Variants in ARHGAP26 observed in about 807,000 individuals in gnomAD.
The protein encoded by ARHGAP26 is Rho GTPase activating protein 26, also known as rho GTPase-activating protein 26.
In ARHGAP26, 38 loss-of-function variants were observed where a neutral mutation model predicts 104.8. The ratio of observed to expected loss-of-function variants is 0.36; its 90% CI spans 0.28 to 0.48. ARHGAP26 has a LOEUF of 0.48. ARHGAP26 is among the 20% of genes least tolerant of loss of function. ARHGAP26 has a pLI of 0.99. For synonymous variants in ARHGAP26, 341 were observed against 340.0 expected (o/e 1.00, Z -0.03); for missense variants, 704 against 947.9 (o/e 0.74, Z 3.38).
intron 1 of ARHGAP26, among the ~76,000 whole-genome samples, chr5:142,854,920 G>T (rs768495453): frequency 1.1e-3 from 160 of 152,178 alleles, no homozygotes; most frequent in Middle Eastern, 3.4e-3. Context: ...TTAACTGGAT[G>T]TGCTGTTCAA....
chr5:142,815,282 C>G (rs1223651650), intron 1 of ARHGAP26, among the ~76,000 whole-genome samples: 1 of 152,224 alleles, frequency 6.6e-6, no homozygotes, highest in Non-Finnish European at 1.5e-5. Flanking sequence ...CTTAGGTGAT[C>G]TGCATGCCTC....
intron 10 of ARHGAP26, among the ~76,000 whole-genome samples, chr5:142,928,834 G>T (rs1414384034): frequency 2.0e-5 from 3 of 152,140 alleles, no homozygotes; most frequent in Non-Finnish European, 2.9e-5. Flanking sequence ...ATTGTAGAGG[G>T]TCTAATAGGC....
intron 1 of ARHGAP26, among the ~76,000 whole-genome samples, chr5:142,810,984 C>T (rs1260364850): frequency 1.3e-5 from 2 of 152,116 alleles, no homozygotes; most frequent in Admixed American, 6.5e-5. Context: ...ATAAATCTAC[C>T]CGCTTCCAGT....
In ARHGAP26 at chr5:143,146,474, G is replaced by A. The variant is rs531594834; in HGVS notation, c.1838-757G>A. 2.0e-5 allele frequency among the ~76,000 whole-genome samples: 3 copies of A among 152,300 alleles called. No homozygotes were observed. The East Asian group carries it at 5.8e-4, about 29-fold the overall frequency. On this transcript the variant is annotated intron_variant, in intron 19 of 22. Coordinates refer to ENST00000645722, the MANE Select transcript of ARHGAP26 (RefSeq NM_001135608.3). ...AGTAGAAATTGCCTGAGGCCACATAGCCAGTCAGGGCTTGAAGAGAACTCA... is the reference window on the plus strand; with the variant it reads ...AGTAGAAATTGCCTGAGGCCACATAACCAGTCAGGGCTTGAAGAGAACTCA...
At position 142,792,930 on chromosome 5, in the gene ARHGAP26, G is replaced by A. The variant is rs962467711; in HGVS notation, c.154+22015G>A. Among the ~76,000 whole-genome samples, 57 of 152,038 alleles carry A rather than the reference G, an allele frequency of 3.7e-4. 1 individual carries two copies. The highest frequency in any genetic ancestry group is 1.3e-3 in the African/African-American group (53 of 41,382). ...TTTGAAAGCCTATTTCATCTATTTT[G>A]AGCAACACTGATAACTGATGTTCAT... On this transcript the variant is annotated intron_variant, in intron 1 of 22. Coordinates refer to ENST00000645722, the MANE Select transcript of ARHGAP26 (RefSeq NM_001135608.3).
At chr5:143,197,350 C>T (rs566992403) in intron 20 of ARHGAP26, among the ~76,000 whole-genome samples, 1 of 152,164 alleles carries the variant, frequency 6.6e-6, no homozygotes, top group Admixed American at 6.5e-5. Context: ...ATATGAGTTA[C>T]AGATGAGAAT....
At chr5:143,208,546 T>C (rs1430108328) in intron 21 of ARHGAP26, among the ~76,000 whole-genome samples, 1 of 152,200 alleles carries the variant, frequency 6.6e-6, no homozygotes, top group Admixed American at 6.5e-5. Flanking sequence ...CGTGTGAGAA[T>C]GAGAAGAGAA....
intron 1 of ARHGAP26, among the ~76,000 whole-genome samples, chr5:142,852,251 G>GGTGGGAGTCATTCAGCCTTTGC (rs1418332239): frequency 1.3e-5 from 2 of 152,382 alleles, no homozygotes; most frequent in Non-Finnish European, 2.9e-5. Context: ...ACAGATCTCA[G>GGTGGGAGTCATTCAGCCTTTGC]GTGGGAGTCA....
chr5:142,970,135 G>T (rs1160879646), intron 11 of ARHGAP26, among the ~76,000 whole-genome samples: 1 of 152,212 alleles, frequency 6.6e-6, no homozygotes, highest in Admixed American at 6.5e-5. Context: ...ATGAGAGTTG[G>T]TTGTAGGAAA....
At chr5:143,102,536 T>C (rs1459300253) in intron 17 of ARHGAP26, among the ~76,000 whole-genome samples, 3 of 152,262 alleles carry the variant, frequency 2.0e-5, no homozygotes, top group Non-Finnish European at 2.9e-5. Flanking sequence ...TAATCACTGC[T>C]GGACCCATGC....
At position 142,879,378 on chromosome 5, in the gene ARHGAP26, A is replaced by C. The variant is rs761604734; in HGVS notation, c.317A>C (p.Glu106Ala). 6 of 1,613,914 alleles carry C rather than the reference A, an allele frequency of 3.7e-6. No individual in the cohort carries two copies. The East Asian group carries it at 8.9e-5, about 24-fold the overall frequency. The part of the protein sequence containing the change: ...NLEDERIRMI[E>A]NASEVLITPL... ...TACTCTGTTGTTCTTCACCAGATTG[A>C]GAATGCCAGCGAGGTGCTCATCACT... Residue 106 changes from glutamate (E) to alanine (A), a missense_variant, in exon 4 of 23, where the codon GAG (glutamate) becomes GCG (alanine). By Grantham distance (107) the Glu-to-Ala change is moderately radical. This residue lies in a region of ARHGAP26 where 106 missense variants were observed against 120.5 expected (regional missense o/e 0.88). Transcript: ENST00000645722.
chr5:143,034,988 C>A (rs1449427231), intron 12 of ARHGAP26, among the ~76,000 whole-genome samples: 1 of 152,150 alleles, frequency 6.6e-6, no homozygotes, highest in East Asian at 1.9e-4. Flanking sequence ...AGGCTCCTTA[C>A]CATTTTAAGG....
chr5:143,053,115 T>G (rs1785275004), intron 14 of ARHGAP26, among the ~76,000 whole-genome samples: 1 of 152,206 alleles, frequency 6.6e-6, no homozygotes, highest in Admixed American at 6.5e-5. Flanking sequence ...AGGCTCTGTG[T>G]GGTGGCACCT....
chr5:143,128,971 C>T lies in ARHGAP26; in HGVS notation c.1699-4996C>T, dbSNP rs184069687. On this transcript the variant is annotated intron_variant, in intron 18 of 22. Transcript: ENST00000645722. The stretch of plus-strand genomic sequence containing the variant: ...CACCACACACATTACAGGGAGACTC[C>T]TAATCCTTTTAAATTGCAGGCGCAT... Among the ~76,000 whole-genome samples the T allele has an allele frequency of 5.2e-4, 79 of 152,294 alleles. 1 individual carries two copies. The East Asian group carries it at 9.1e-3, about 17-fold the overall frequency.
chr5:143,112,046 T>G (rs1309701792), intron 17 of ARHGAP26, among the ~76,000 whole-genome samples: 1 of 152,220 alleles, frequency 6.6e-6, no homozygotes, highest in Non-Finnish European at 1.5e-5. Context: ...TGCTAGGCAC[T>G]GGCGTGTGGC....
intron 1 of ARHGAP26, among the ~76,000 whole-genome samples, chr5:142,850,647 G>A (rs950515438): frequency 6.6e-6 from 1 of 152,196 alleles, no homozygotes; most frequent in Admixed American, 6.5e-5. Context: ...GAGCTCTTGG[G>A]AGGATTGAAG....
At chr5:143,093,293 C>T (rs184194921) in intron 17 of ARHGAP26, among the ~76,000 whole-genome samples, 82 of 152,096 alleles carry the variant, frequency 5.4e-4, no homozygotes, top group African/African-American at 1.8e-3. Context: ...GGGCCATCTG[C>T]GGGTTACTAG....
intron 11 of ARHGAP26, among the ~76,000 whole-genome samples, chr5:142,939,906 T>C (rs1286805984): frequency 6.6e-6 from 1 of 152,262 alleles, no homozygotes; most frequent in Non-Finnish European, 1.5e-5. Context: ...GAGAGGAAGA[T>C]GGATATTGGG....
chr5:142,791,057 T>C (rs1392789149), intron 1 of ARHGAP26, among the ~76,000 whole-genome samples: 3 of 151,916 alleles, frequency 2.0e-5, no homozygotes, highest in Non-Finnish European at 2.9e-5. Context: ...CTCTTGGTTC[T>C]CCTTAGGGTT....
Sources: gnomAD v4.1 joint callset for allele counts (sites outside exome capture counted in the v4.1 genomes callset) on GRCh38, gnomAD v4.1.1 for gene constraint, gnomAD v4.1.1 regional missense constraint, MANE v1.5 for transcripts, NCBI Gene and HGNC (gene_info 2026-07-23, HGNC 2026-07-21) for gene names.